Variants in UIMC1 observed in about 807,000 individuals in gnomAD.
The protein encoded by UIMC1 is BRCA1-A complex subunit RAP80.
UIMC1 carries 42 observed loss-of-function variants against 84.9 expected under a neutral mutation model. The ratio of observed to expected loss-of-function variants is 0.49; its 90% CI spans 0.39 to 0.64. The LOEUF (loss-of-function observed/expected upper bound fraction) is 0.64. UIMC1 is among the 30% of genes least tolerant of loss of function. The pLI is 0.00. For synonymous variants in UIMC1, 281 were observed against 293.0 expected, an observed-to-expected ratio of 0.96 and a Z score of 0.42; for missense variants, 825 against 847.6, an observed-to-expected ratio of 0.97 and a Z score of 0.33.
At chr5:176,980,052 C>T (rs542687793) in intron 2 of UIMC1, 8 of 152,266 alleles carry the variant, frequency 5.3e-5, no homozygotes, top group African/African-American at 1.7e-4. Flanking sequence ...TCTTCTTCTA[C>T]CCTTGGACAT....
At chr5:176,908,230 T>C (rs35977534) in intron 12 of UIMC1, among the ~76,000 whole-genome samples, 87,936 of 151,996 alleles carry the variant, frequency 0.58, 27,155 homozygotes, top group African/African-American at 0.81. Context: ...AAAAAAAGAC[T>C]GGAAGAAAAT....
chr5:176,936,847 C>T (rs1274022601), intron 10 of UIMC1, among the ~76,000 whole-genome samples: 2 of 152,148 alleles, frequency 1.3e-5, no homozygotes, highest in Non-Finnish European at 2.9e-5. Flanking sequence ...CCTGAGACCT[C>T]GGTATTCCCT....
chr5:176,925,730 T>C (rs1337345832), intron 10 of UIMC1, among the ~76,000 whole-genome samples: 1 of 152,210 alleles, frequency 6.6e-6, no homozygotes, highest in Non-Finnish European at 1.5e-5. Context: ...ATAAGCAGAA[T>C]TTTACAGAAA....
intron 1 of UIMC1, among the ~76,000 whole-genome samples, chr5:177,021,654 T>C (rs1256957967): frequency 6.6e-6 from 1 of 151,268 alleles, no homozygotes; most frequent in Non-Finnish European, 1.5e-5. Flanking sequence ...GTAAGGACTT[T>C]GGCTTTTTTT....
At chr5:176,935,477 G>A (rs1763614744) in intron 10 of UIMC1, among the ~76,000 whole-genome samples, 1 of 152,034 alleles carries the variant, frequency 6.6e-6, no homozygotes, top group Non-Finnish European at 1.5e-5. Context: ...GTGAGATCAG[G>A]GCCCATATTT....
intron 6 of UIMC1, among the ~76,000 whole-genome samples, chr5:176,964,584 T>C (rs927828587): frequency 6.6e-6 from 1 of 152,182 alleles, no homozygotes; most frequent in African/African-American, 2.4e-5. Context: ...GAATATAATA[T>C]AGCCATTAAA....
intron 10 of UIMC1, among the ~76,000 whole-genome samples, chr5:176,912,088 C>T (rs1400263133): frequency 9.9e-5 from 15 of 152,224 alleles, no homozygotes; most frequent in Admixed American, 9.2e-4. Flanking sequence ...TCAAACTCTG[C>T]CTTCTTTCCT....
chr5:176,930,513 G>A (rs1194520181), intron 10 of UIMC1, among the ~76,000 whole-genome samples: 1 of 152,166 alleles, frequency 6.6e-6, no homozygotes, highest in Non-Finnish European at 1.5e-5. Context: ...TGTTTCAAAA[G>A]ACTGTTATGA....
Position 176,963,615 on chromosome 5 carries a change from T to G in UIMC1, c.1200+4940A>C, listed in dbSNP as rs149764691. On this transcript the variant is annotated intron_variant, in intron 6 of 14. Coordinates refer to ENST00000511320, the MANE Select transcript of UIMC1 (RefSeq NM_001199298.2). ...GTGTGACACTGGTAGTTTATTAGGTTTTTCCACAGACTAGTTGAACCATCC... is the reference window on the plus strand; with the variant it reads ...GTGTGACACTGGTAGTTTATTAGGTGTTTCCACAGACTAGTTGAACCATCC... Among the ~76,000 whole-genome samples the G allele has an allele frequency of 2.8e-4, 42 of 152,200 alleles. 1 individual carries two copies. The East Asian group carries it at 7.9e-3, about 29-fold the overall frequency.
At chr5:177,007,081 C>CT (rs1775374946), upstream of UIMC1, among the ~76,000 whole-genome samples, 1 of 152,202 alleles carries the variant, frequency 6.6e-6, no homozygotes, top group Admixed American at 6.5e-5. Flanking sequence ...TGGCTCACGC[C>CT]TGTAATCCCA....
At chr5:176,916,494 T>C (rs1038079903) in intron 10 of UIMC1, among the ~76,000 whole-genome samples, 1 of 152,222 alleles carries the variant, frequency 6.6e-6, no homozygotes, top group African/African-American at 2.4e-5. Context: ...GGTGTCCAGG[T>C]TGGGCCTCTA....
At chr5:176,939,603 C>T (rs1764173006) in intron 10 of UIMC1, among the ~76,000 whole-genome samples, 1 of 152,194 alleles carries the variant, frequency 6.6e-6, no homozygotes. Flanking sequence ...GATCAATAGG[C>T]TATACCTTAT....
intron 1 of UIMC1, among the ~76,000 whole-genome samples, chr5:177,019,628 A>AC (rs540924167): frequency 3.2e-5 from 2 of 62,010 alleles, no homozygotes; most frequent in Non-Finnish European, 6.6e-5. Flanking sequence ...CCTGTCTCGG[A>AC]AAAAAAAAAA....
In UIMC1 at chr5:176,968,855, C is replaced by A. The variant is rs567115137; in HGVS notation, c.900G>T (p.Leu300Phe). The A allele has an allele frequency of 6.2e-7, 1 of 1,614,140 alleles. No individual in the cohort carries two copies. The highest frequency in any genetic ancestry group is 1.3e-5 in the African/African-American group (1 of 75,018). The stretch of plus-strand genomic sequence containing the variant: ...TTTTCAGGCTCTTTTGATAAACCTC[C>A]AACTGGCAGAGAATGACCTTGGTAT... ...NQYTKVILCQ[L>F]EVYQKSLKMA... Residue 300 changes from leucine to phenylalanine, a missense_variant, in exon 6 of 15, where the codon TTG becomes TTT. By Grantham distance (22) the Leu-to-Phe change is conservative (BLOSUM62 0). Coordinates refer to ENST00000511320, the MANE Select transcript of UIMC1 (RefSeq NM_001199298.2).
intron 10 of UIMC1, among the ~76,000 whole-genome samples, chr5:176,920,183 G>C (rs1761531193): frequency 6.6e-6 from 1 of 151,820 alleles, no homozygotes. Context: ...CACCATGCCT[G>C]GCTAATTTTT....
chr5:177,018,875 A>G (rs1775728961), intron 1 of UIMC1, among the ~76,000 whole-genome samples: 1 of 152,220 alleles, frequency 6.6e-6, no homozygotes, highest in African/African-American at 2.4e-5. Context: ...ATAATATGCA[A>G]AGCAACTTAT....
intron 1 of UIMC1, among the ~76,000 whole-genome samples, chr5:177,018,431 T>C (rs1333700901): frequency 6.6e-6 from 1 of 152,226 alleles, no homozygotes; most frequent in African/African-American, 2.4e-5. Flanking sequence ...TAGTTTCGTT[T>C]GCACATGCAC....
At chr5:176,920,052 G>A (rs1302636403) in intron 10 of UIMC1, among the ~76,000 whole-genome samples, 1 of 151,972 alleles carries the variant, frequency 6.6e-6, no homozygotes, top group African/African-American at 2.4e-5. Flanking sequence ...AAGGAGTTTC[G>A]CTCTTGTTGC....
At chr5:176,986,437 G>C (rs1221803013) in intron 1 of UIMC1, among the ~76,000 whole-genome samples, 1 of 148,898 alleles carries the variant, frequency 6.7e-6, no homozygotes, top group Admixed American at 6.8e-5. Flanking sequence ...AAGAGGCTGA[G>C]GCAGGAGGAT....
Sources: gnomAD v4.1 joint callset for allele counts (sites outside exome capture counted in the v4.1 genomes callset) on GRCh38, gnomAD v4.1.1 for gene constraint, MANE v1.5 for transcripts, NCBI Gene and HGNC (gene_info 2026-07-23, HGNC 2026-07-21) for gene names.